TTLL3: variants seen among roughly 807,000 people sequenced by gnomAD.
TTLL3 encodes the protein tubulin monoglycylase TTLL3.
In TTLL3, 63 loss-of-function variants were observed where a neutral mutation model predicts 75.2. That is an observed-to-expected ratio of 0.84 (90% CI 0.68 to 1.03). The LOEUF (loss-of-function observed/expected upper bound fraction) is 1.03. Among genes scored for constraint, TTLL3 ranks in the 50% least tolerant of loss-of-function variants. The pLI, the probability that TTLL3 is intolerant of heterozygous loss-of-function variation, is 0.00. For missense variants in TTLL3, 997 were observed against 1,069.9 expected (o/e 0.93, Z 0.95); for synonymous variants, 393 against 418.5 (o/e 0.94, Z 0.74).
Position 9,817,756 on chromosome 3 carries a change from A to T in TTLL3, c.556A>T (p.Ile186Leu). Reference sequence around the variant, plus strand: ...GGCTGAGGATGACAAAAAAGCCTTCATAGGTAAGGAGACCCCCAGCCCTAT... The same window carrying T: ...GGCTGAGGATGACAAAAAAGCCTTCTTAGGTAAGGAGACCCCCAGCCCTAT... The part of the protein sequence containing the change: ...LGAEDDKKAF[I>L]EDFWLTAARN... The change falls in exon 6 of 14, where the codon ATA becomes TTA. Residue 186 changes from isoleucine to leucine, a missense_variant. By Grantham distance (5) the Ile-to-Leu change is conservative. Transcript: ENST00000685419. 6.2e-7 allele frequency: 1 copy of T among 1,614,164 alleles called. No individual in the cohort carries two copies. The highest frequency in any genetic ancestry group is 1.7e-4 in the Middle Eastern group (1 of 6,060).
chr3:9,819,861 CG>C, intron 7 of TTLL3: 1 of 985,534 alleles, frequency 1.0e-6, no homozygotes, highest in Non-Finnish European at 1.2e-6. Flanking sequence ...ACAAGGGCCT[CG>C]GGTGTGGCCA....
intron 8 of TTLL3, 98 bp downstream of exon 8, chr3:9,820,839 G>T (rs539810114): frequency 1.7e-5 from 25 of 1,503,234 alleles, no homozygotes; most frequent in Admixed American, 2.2e-5. Context: ...CAAGCCTCCC[G>T]CTCGTTTACC....
Position 9,817,730 on chromosome 3 carries a change from G to C in TTLL3, c.530G>C (p.Gly177Ala), listed in dbSNP as rs1307114705. 6.2e-7 allele frequency: 1 copy of C among 1,614,130 alleles called. No homozygotes were observed. The highest frequency in any genetic ancestry group is 1.1e-5 in the South Asian group (1 of 91,080). The part of the protein sequence containing the change: ...NSFFPRCYCL[G>A]AEDDKKAFIE... ...TTCTTCCCACGCTGCTACTGCCTGG[G>C]GGCTGAGGATGACAAAAAAGCCTTC... The change falls in exon 6 of 14, where the codon GGG becomes GCG. Residue 177 changes from glycine to alanine, a missense_variant. By Grantham distance (60) the Gly-to-Ala change is moderately conservative (BLOSUM62 0). Transcript: ENST00000685419.
At chr3:9,809,781 T>G, upstream of TTLL3, 6 of 370,526 alleles carry the variant, frequency 1.6e-5, no homozygotes, top group Admixed American at 4.6e-5. Context: ...CCCCAGGTCA[T>G]AAGGAAGCCC....
chr3:9,834,787 C>G lies in TTLL3; in HGVS notation c.1932C>G (p.Gly644=). The G allele has an allele frequency of 6.2e-7, 1 of 1,614,234 alleles. No homozygotes were observed. Among genetic ancestry groups the G allele is most frequent in the South Asian group, 1.1e-5 (1 of 91,090 alleles). ...VLRRQHSKLV[G]TKALSTTGKA... is the part of the protein sequence containing the mutation. ...GACGACAGCACAGCAAGCTGGTGGG[C>G]ACTAAGGCCCTGTCGACCACAGGCA... is the stretch of plus-strand genomic sequence containing the variant. Residue 644 remains glycine, a synonymous_variant, in exon 13 of 14, where the codon GGC becomes GGG. Transcript: ENST00000685419.
rs762739714 is a variant in TTLL3 at position 9,813,012 on chromosome 3, G to C, written c.118G>C (p.Val40Leu). ...GTGTCTCTTGCGCCGGAGGGGCTGG[G>C]TGGAGAAGAAGATGGTCCATCGCTC... ...IRCLLRRRGW[V>L]EKKMVHRSGP... Residue 40 changes from valine to leucine, a missense_variant, in exon 3 of 14, where the codon GTG (valine) becomes CTG (leucine). Val to Leu is a conservative substitution (Grantham distance 32, BLOSUM62 1). Transcript: ENST00000685419. The C allele has an allele frequency of 3.2e-6, 5 of 1,579,260 alleles. No homozygotes were observed. Among genetic ancestry groups the C allele is most frequent in the Non-Finnish European group, 3.4e-6 (4 of 1,160,568 alleles).
At chr3:9,818,570 G>A in intron 6 of TTLL3, 1 of 1,031,076 alleles carries the variant, frequency 9.7e-7, no homozygotes, top group Non-Finnish European at 1.3e-6. Context: ...GGGTTTCACT[G>A]TGTTAGCCAG....
At chr3:9,831,796 ATTTTT>A (rs35972221) in intron 11 of TTLL3, among the ~76,000 whole-genome samples, 1 of 123,618 alleles carries the variant, frequency 8.1e-6, no homozygotes, top group Admixed American at 8.4e-5. Flanking sequence ...TTTTTATTTG[ATTTTT>A]TTTTTTTTTT....
At chr3:9,818,013 G>A in intron 6 of TTLL3, 1 of 436,238 alleles carries the variant, frequency 2.3e-6, no homozygotes, top group Non-Finnish European at 4.1e-6. Flanking sequence ...CTAAAAGTTG[G>A]TCAGTCCCTT....
rs1408150345 is a variant in TTLL3 at position 9,818,924 on chromosome 3, A to G, written c.658+4A>G. ...GCAGTAGAGGAAGAGGCCTCAGGTA[A>G]GTACTGTGGTTACCTCCACTCTCCC... On this transcript the variant is annotated splice_donor_region_variant and intron_variant, in intron 7 of 13. Coordinates refer to ENST00000685419, the MANE Select transcript of TTLL3 (RefSeq NM_001387446.1). The G allele has an allele frequency of 6.2e-7, 1 of 1,614,040 alleles. No homozygotes were observed. The highest frequency in any genetic ancestry group is 8.5e-7 in the Non-Finnish European group (1 of 1,179,972).
rs762638517 is a variant in TTLL3 at position 9,834,696 on chromosome 3, C to T, written c.1841C>T (p.Pro614Leu). 3.7e-5 allele frequency: 59 copies of T among 1,614,076 alleles called. No individual in the cohort carries two copies. The Admixed American group carries it at 9.3e-4, about 26-fold the overall frequency. ...GCTCCCACAGCCCGTCACCACTTCC[C>T]CAGCCTCCACACCAAGGCCCAGCTG... ...RGSGEARHHFPSLHTKAQLPS... is the reference protein window; with the variant it reads ...RGSGEARHHFLSLHTKAQLPS... The change falls in exon 13 of 14, where the codon CCC (proline) becomes CTC (leucine). Residue 614 changes from proline to leucine, a missense_variant. By Grantham distance (98) the Pro-to-Leu change is moderately conservative. Coordinates refer to ENST00000685419, the MANE Select transcript of TTLL3 (RefSeq NM_001387446.1).
intron 11 of TTLL3, among the ~76,000 whole-genome samples, chr3:9,830,839 G>C (rs1258730140): frequency 6.6e-6 from 1 of 151,932 alleles, no homozygotes; most frequent in African/African-American, 2.4e-5. Context: ...GTCTTGCTCT[G>C]TTGCCTAGGC....
At position 9,817,676 on chromosome 3, in the gene TTLL3, C is replaced by T. The variant is rs374469458; in HGVS notation, c.476C>T (p.Pro159Leu). The stretch of plus-strand genomic sequence containing the variant: ...CTATGTCTCAATCTCCGGAATTTGC[C>T]GTGGTTTGATGAGGTTGATGCCAAC... ...VGLCLNLRNL[P>L]WFDEVDANSF... The change falls in exon 6 of 14, where the codon CCG becomes CTG. Residue 159 changes from proline (P) to leucine (L), a missense_variant. Transcript: ENST00000685419. 56 of 1,614,054 alleles carry T rather than the reference C, an allele frequency of 3.5e-5. No homozygotes were observed. The Admixed American group carries it at 3.8e-4, about 11-fold the overall frequency.
intron 7 of TTLL3, chr3:9,819,991 G>T: frequency 1.0e-6 from 1 of 987,718 alleles, no homozygotes; most frequent in Non-Finnish European, 1.2e-6. Flanking sequence ...GTCTGTAGAT[G>T]TGCACGGGGT....
At chr3:9,819,800 T>C (rs1250250296) in intron 7 of TTLL3, 1 of 985,462 alleles carries the variant, frequency 1.0e-6, no homozygotes, top group African/African-American at 1.7e-5. Flanking sequence ...TTGCTGTCTC[T>C]TGTGTGTGTC....
intron 9 of TTLL3, among the ~76,000 whole-genome samples, chr3:9,826,625 C>T (rs1176708564): frequency 6.7e-6 from 1 of 148,754 alleles, no homozygotes; most frequent in African/African-American, 2.5e-5. Flanking sequence ...CCCAGCTACT[C>T]GGGAGGCTGA....
chr3:9,822,062 C>CTTTTT (rs1201552537), intron 8 of TTLL3, among the ~76,000 whole-genome samples: 4 of 75,384 alleles, frequency 5.3e-5, no homozygotes, highest in African/African-American at 5.1e-5. Flanking sequence ...GCACGAGTCC[C>CTTTTT]TTTTTTTTTT....
intron 11 of TTLL3, among the ~76,000 whole-genome samples, chr3:9,830,640 A>C (rs1262445359): frequency 2.6e-5 from 4 of 152,188 alleles, no homozygotes; most frequent in African/African-American, 9.7e-5. Flanking sequence ...GCTGAGGGAA[A>C]AGGTGCCATT....
At chr3:9,820,925 T>G (rs2080352041) in intron 8 of TTLL3, 184 bp downstream of exon 8, 1 of 985,476 alleles carries the variant, frequency 1.0e-6, no homozygotes, top group African/African-American at 1.6e-5. Flanking sequence ...TCTTGGTTCT[T>G]GGCATAGCAT....
Sources: gnomAD v4.1 joint callset for allele counts (sites outside exome capture counted in the v4.1 genomes callset) on GRCh38, gnomAD v4.1.1 for gene constraint, MANE v1.5 for transcripts, NCBI Gene and HGNC (gene_info 2026-07-23, HGNC 2026-07-21) for gene names.